Variants in SPAG16 observed in about 807,000 individuals in gnomAD.
SPAG16 encodes sperm associated antigen 16, also known as sperm-associated antigen 16 protein.
A neutral mutation model predicts 80.4 loss-of-function variants in SPAG16; 86 were observed. The observed-to-expected ratio is 1.07, with a 90% CI of 0.90 to 1.28. The LOEUF is 1.28. Ranked by LOEUF, SPAG16 falls within the 50% of genes most tolerant of loss-of-function variation. SPAG16 has a pLI of 0.00. For missense variants in SPAG16, 870 were observed against 765.3 expected, an observed-to-expected ratio of 1.14 and a Z score of -1.61; for synonymous variants, 294 against 265.9, an observed-to-expected ratio of 1.11 and a Z score of -1.03.
intron 15 of SPAG16, among the ~76,000 whole-genome samples, chr2:214,184,494 A>G (rs774292439): frequency 1.3e-5 from 2 of 152,120 alleles, no homozygotes; most frequent in Admixed American, 1.3e-4. Context: ...GACAGCAAAA[A>G]AAAGACATTT....
At chr2:213,434,614 A>G (rs1265334724) in intron 9 of SPAG16, among the ~76,000 whole-genome samples, 1 of 152,212 alleles carries the variant, frequency 6.6e-6, no homozygotes, top group African/African-American at 2.4e-5. Context: ...AACTCAAACA[A>G]CAATCAAAAG....
At chr2:214,355,630 C>T in intron 15 of SPAG16, among the ~76,000 whole-genome samples, 1 of 148,642 alleles carries the variant, frequency 6.7e-6, no homozygotes, top group East Asian at 2.0e-4. Flanking sequence ...CCTCAGGGAT[C>T]TAGAACTAGA....
rs557389798 is a variant in SPAG16, at chr2:214,088,702, A to G, written c.1528-19494A>G. ...CTTGAATAGAACCATACCCTGGGGA[A>G]AAAAATTGAAACAGCTGAAAAGATC... On this transcript the variant is annotated intron_variant, in intron 13 of 15. Transcript: ENST00000331683. Among the ~76,000 whole-genome samples the G allele has an allele frequency of 1.4e-3, 214 of 152,178 alleles. 2 individuals are homozygous for G. Among genetic ancestry groups the G allele is most frequent in the African/African-American group, 4.9e-3 (202 of 41,554 alleles).
chr2:213,802,017 T>A (rs548844365), intron 10 of SPAG16, among the ~76,000 whole-genome samples: 1 of 152,322 alleles, frequency 6.6e-6, no homozygotes, highest in Admixed American at 6.5e-5. Context: ...ACCTACAACA[T>A]TTTCAGGTCA....
intron 10 of SPAG16, among the ~76,000 whole-genome samples, chr2:213,591,430 G>C (rs564168699): frequency 7.6e-4 from 116 of 152,162 alleles, no homozygotes; most frequent in Non-Finnish European, 9.6e-4. Context: ...ATGCCTCCAA[G>C]ATAGTAAAGA....
At chr2:213,402,085 T>A (rs543192390) in intron 9 of SPAG16, among the ~76,000 whole-genome samples, 5 of 152,204 alleles carry the variant, frequency 3.3e-5, no homozygotes, top group Admixed American at 3.3e-4. Context: ...TCTACAAATT[T>A]ACTAATTTTA....
intron 10 of SPAG16, among the ~76,000 whole-genome samples, chr2:213,553,808 C>A (rs2059335185): frequency 6.6e-6 from 1 of 152,296 alleles, no homozygotes; most frequent in Middle Eastern, 3.4e-3. Context: ...ACAAGCTCAG[C>A]TACTCTATAA....
chr2:213,676,569 T>C (rs2064088361), intron 10 of SPAG16, among the ~76,000 whole-genome samples: 1 of 152,156 alleles, frequency 6.6e-6, no homozygotes, highest in African/African-American at 2.4e-5. Flanking sequence ...TAATACCTAA[T>C]TTGTTGAGAG....
intron 12 of SPAG16, among the ~76,000 whole-genome samples, chr2:213,954,915 C>T (rs967880358): frequency 1.3e-5 from 2 of 152,026 alleles, no homozygotes; most frequent in African/African-American, 4.8e-5. Context: ...CTGATAGTAA[C>T]GTTGTGTTTT....
At chr2:214,155,286 T>A (rs1327119092) in intron 15 of SPAG16, among the ~76,000 whole-genome samples, 1 of 152,188 alleles carries the variant, frequency 6.6e-6, no homozygotes, top group East Asian at 1.9e-4. Context: ...AAATAATTTG[T>A]GTTCGCACCA....
At chr2:214,069,537 T>G (rs978277554) in intron 13 of SPAG16, among the ~76,000 whole-genome samples, 1 of 152,156 alleles carries the variant, frequency 6.6e-6, no homozygotes, top group Non-Finnish European at 1.5e-5. Flanking sequence ...TACTCAGAGC[T>G]GCCTTAAACA....
At chr2:213,983,152 T>C (rs1299697605) in intron 12 of SPAG16, among the ~76,000 whole-genome samples, 1 of 151,982 alleles carries the variant, frequency 6.6e-6, no homozygotes, top group Non-Finnish European at 1.5e-5. Flanking sequence ...TATAACTTTT[T>C]GCTTATGATT....
intron 6 of SPAG16, among the ~76,000 whole-genome samples, chr2:213,346,288 C>T (rs2064984563): frequency 6.6e-6 from 1 of 152,122 alleles, no homozygotes; most frequent in East Asian, 1.9e-4. Context: ...TGGGCTGAGA[C>T]AGTGGGGTTT....
intron 10 of SPAG16, among the ~76,000 whole-genome samples, chr2:213,829,151 G>C (rs2073473753): frequency 6.6e-6 from 1 of 152,196 alleles, no homozygotes; most frequent in African/African-American, 2.4e-5. Flanking sequence ...ACTGGGTCCA[G>C]AGTTGCTGTC....
intron 8 of SPAG16, among the ~76,000 whole-genome samples, 191 bp from the exon 9 acceptor site, chr2:213,374,819 A>G (rs112448614): frequency 1.3e-5 from 2 of 152,222 alleles, no homozygotes; most frequent in African/African-American, 4.8e-5. Context: ...GTAGTAATGC[A>G]TCTCTGCATT....
intron 10 of SPAG16, among the ~76,000 whole-genome samples, chr2:213,818,990 C>T (rs1187419168): frequency 6.6e-6 from 1 of 151,936 alleles, no homozygotes; most frequent in Non-Finnish European, 1.5e-5. Flanking sequence ...AACTTCATAG[C>T]AGTGTGAAAC....
chr2:213,688,249 C>T (rs1347792564), intron 10 of SPAG16, among the ~76,000 whole-genome samples: 2 of 152,174 alleles, frequency 1.3e-5, no homozygotes, highest in African/African-American at 2.4e-5. Flanking sequence ...TTTGAATTCT[C>T]ATAGTGGCTG....
intron 10 of SPAG16, among the ~76,000 whole-genome samples, chr2:213,560,463 C>T (rs960148365): frequency 1.3e-5 from 2 of 151,806 alleles, no homozygotes; most frequent in Non-Finnish European, 2.9e-5. Context: ...TTTTAGCAAA[C>T]CTCCAAAATA....
At chr2:213,754,536 A>T (rs1283315776) in intron 10 of SPAG16, among the ~76,000 whole-genome samples, 1 of 152,226 alleles carries the variant, frequency 6.6e-6, no homozygotes. Flanking sequence ...TTCATAATTG[A>T]TGTAAAACAA....
Sources: allele counts gnomAD v4.1 joint callset (sites outside exome capture counted in the v4.1 genomes callset), GRCh38; gene constraint gnomAD v4.1.1; transcripts MANE v1.5; gene names NCBI Gene and HGNC (gene_info 2026-07-23, HGNC 2026-07-21).